The following TENM3 variants were observed in gnomAD, a reference collection of about 807,000 sequenced individuals.
The protein encoded by TENM3 is teneurin-3.
A neutral mutation model predicts 255.1 loss-of-function variants in TENM3; 63 were observed. The ratio of observed to expected loss-of-function variants is 0.25; its 90% CI spans 0.20 to 0.30. TENM3 has a LOEUF of 0.30. Among genes scored for constraint, TENM3 ranks in the 10% least tolerant of loss-of-function variants. TENM3 has a pLI of 1.00. For missense variants in TENM3, 2,929 were observed against 3,461.1 expected, an observed-to-expected ratio of 0.85 and a Z score of 3.86; for synonymous variants, 1,306 against 1,322.3, an observed-to-expected ratio of 0.99 and a Z score of 0.27.
intron 1 of TENM3, among the ~76,000 whole-genome samples, chr4:182,237,271 T>C (rs549533209): frequency 6.6e-6 from 1 of 152,314 alleles, no homozygotes; most frequent in African/African-American, 2.4e-5. Context: ...TTTAGGTTGA[T>C]TCCATGTCTT....
chr4:182,179,549 G>A (rs927833175), intron 1 of TENM3, among the ~76,000 whole-genome samples: 5 of 152,192 alleles, frequency 3.3e-5, no homozygotes, highest in African/African-American at 1.2e-4. Flanking sequence ...TTAAAAAGCA[G>A]TGTATCTATT....
the TENM3 span, among the ~76,000 whole-genome samples, chr4:181,529,576 C>A: frequency 6.6e-6 from 1 of 152,152 alleles, no homozygotes; most frequent in African/African-American, 2.4e-5. Context: ...TTGTTATTCA[C>A]CCCATTATAA....
chr4:181,670,377 A>G, the TENM3 span, among the ~76,000 whole-genome samples: 1 of 152,320 alleles, frequency 6.6e-6, no homozygotes, highest in South Asian at 2.1e-4. Context: ...CCCAAAGCAC[A>G]AAGTGATACT....
At position 182,774,969 on chromosome 4, in the gene TENM3, T is replaced by C; in HGVS notation, c.5120T>C (p.Ile1707Thr). ...GGTTATGACGGCTCCCTCAGAATTA[T>C]CTACGCCAGTGGCCTGGACTCACAC... Reference protein sequence around the residue: ...QIGYDGSLRIIYASGLDSHYQ... With the variant: ...QIGYDGSLRITYASGLDSHYQ... The change falls in exon 24 of 28, where the codon ATC (isoleucine) becomes ACC (threonine). Residue 1707 changes from isoleucine (I) to threonine (T), a missense_variant. Transcript: ENST00000511685. 6.2e-7 allele frequency: 1 copy of C among 1,613,950 alleles called. No individual in the cohort carries two copies. Among genetic ancestry groups the C allele is most frequent in the Non-Finnish European group, 8.5e-7 (1 of 1,179,860 alleles).
At chr4:182,024,417 T>A in the TENM3 span, among the ~76,000 whole-genome samples, 1 of 152,148 alleles carries the variant, frequency 6.6e-6, no homozygotes, top group Non-Finnish European at 1.5e-5. Flanking sequence ...GTAAATCTGG[T>A]TGGTTGTTTG....
At chr4:182,352,136 G>A (rs1228576503) in intron 3 of TENM3, among the ~76,000 whole-genome samples, 1 of 151,318 alleles carries the variant, frequency 6.6e-6, no homozygotes, top group African/African-American at 2.4e-5. Context: ...CCCACCCCAG[G>A]GCTGCATTCA....
At position 182,289,727 on chromosome 4, in the gene TENM3, G is replaced by A. The variant is rs953074345; in HGVS notation, c.-75-34219G>A. Among the ~76,000 whole-genome samples, 4 of 151,642 alleles carry A rather than the reference G, an allele frequency of 2.6e-5. No homozygotes were observed. In the East Asian group the frequency reaches 7.7e-4, roughly 29 times the overall value. On this transcript the variant is annotated intron_variant, in intron 1 of 27. Transcript: ENST00000511685. ...TCTTGTATCTGAGTCTTGTATCTGA[G>A]GCTTAGAGGTGTATGAAAATGAAGC...
At chr4:181,811,608 C>T in the TENM3 span, among the ~76,000 whole-genome samples, 1 of 152,142 alleles carries the variant, frequency 6.6e-6, no homozygotes, top group Non-Finnish European at 1.5e-5. Flanking sequence ...GCTGGGGAGG[C>T]CTCACAATCA....
chr4:182,478,498 G>T (rs1733891845), intron 3 of TENM3, among the ~76,000 whole-genome samples: 1 of 151,654 alleles, frequency 6.6e-6, no homozygotes, highest in Admixed American at 6.6e-5. Flanking sequence ...GCCATATGGT[G>T]TAAAATTTTG....
chr4:182,252,264 A>G (rs144049432), intron 1 of TENM3, among the ~76,000 whole-genome samples: 3 of 152,226 alleles, frequency 2.0e-5, no homozygotes, highest in African/African-American at 7.2e-5. Context: ...TTATTTAAGT[A>G]TACACACGAC....
intron 1 of TENM3, among the ~76,000 whole-genome samples, chr4:182,266,537 A>T (rs1005813577): frequency 6.6e-6 from 1 of 152,186 alleles, no homozygotes; most frequent in South Asian, 2.1e-4. Flanking sequence ...AAAGGGTTAT[A>T]AAAGGTTTAT....
the TENM3 span, among the ~76,000 whole-genome samples, chr4:181,792,692 T>C: frequency 6.6e-6 from 1 of 152,200 alleles, no homozygotes; most frequent in African/African-American, 2.4e-5. Flanking sequence ...CCATTTCTAA[T>C]GTTTCTCCCT....
At chr4:182,703,274 G>A (rs533234840) in intron 12 of TENM3, among the ~76,000 whole-genome samples, 1 of 152,332 alleles carries the variant, frequency 6.6e-6, no homozygotes, top group Admixed American at 6.5e-5. Context: ...AATGTTAAAT[G>A]ATAGCTGATA....
At chr4:181,472,681 T>G in the TENM3 span, among the ~76,000 whole-genome samples, 1 of 151,662 alleles carries the variant, frequency 6.6e-6, no homozygotes, top group Non-Finnish European at 1.5e-5. Flanking sequence ...GGAGTAGGAG[T>G]GTAAGCATGT....
the TENM3 span, among the ~76,000 whole-genome samples, chr4:182,121,484 G>A: frequency 6.6e-6 from 1 of 152,178 alleles, no homozygotes; most frequent in African/African-American, 2.4e-5. Flanking sequence ...TGCTTTTAAT[G>A]TAGAGCTAAA....
chr4:182,227,705 C>T (rs1031214240), intron 1 of TENM3, among the ~76,000 whole-genome samples: 4 of 149,914 alleles, frequency 2.7e-5, no homozygotes, highest in Non-Finnish European at 5.9e-5. Context: ...CAGTGGCTTC[C>T]GGGCAAAGAA....
chr4:182,131,805 A>T, the TENM3 span, among the ~76,000 whole-genome samples: 5 of 152,220 alleles, frequency 3.3e-5, no homozygotes, highest in African/African-American at 1.2e-4. Context: ...AACCATTATT[A>T]TCTGCCATTC....
At chr4:181,919,855 G>A in the TENM3 span, among the ~76,000 whole-genome samples, 2 of 149,862 alleles carry the variant, frequency 1.3e-5, no homozygotes, top group Non-Finnish European at 3.0e-5. Context: ...TTAGCATTAG[G>A]TATATCTCCT....
chr4:182,215,348 C>T (rs1198981878), intron 1 of TENM3, among the ~76,000 whole-genome samples: 1 of 152,164 alleles, frequency 6.6e-6, no homozygotes, highest in South Asian at 2.1e-4. Context: ...GTGGCGAGCT[C>T]TATCTTCACT....
Sources: allele counts gnomAD v4.1 joint callset (sites outside exome capture counted in the v4.1 genomes callset), GRCh38; gene constraint gnomAD v4.1.1; transcripts MANE v1.5; gene names NCBI Gene and HGNC (gene_info 2026-07-23, HGNC 2026-07-21).